CCL24: variants seen among roughly 807,000 people sequenced by gnomAD.
CCL24 encodes the protein C-C motif chemokine ligand 24, also known as C-C motif chemokine 24.
In CCL24, 6 loss-of-function variants were observed where a neutral mutation model predicts 8.6. The observed-to-expected ratio is 0.70, with a 90% CI of 0.38 to 1.38. The LOEUF (loss-of-function observed/expected upper bound fraction) is 1.38, where lower values mean the gene tolerates loss of function less well. Ranked by LOEUF, CCL24 falls within the 40% of genes most tolerant of loss-of-function variation. The pLI, the probability that CCL24 is intolerant of heterozygous loss-of-function variation, is 0.02. For missense variants in CCL24, 126 were observed against 147.1 expected, an observed-to-expected ratio of 0.86 and a Z score of 0.74; for synonymous variants, 59 against 52.7, an observed-to-expected ratio of 1.12 and a Z score of -0.52.
chr7:75,820,100 CTT>C (rs1804006652), intron 1 of CCL24, among the ~76,000 whole-genome samples: 2 of 125,450 alleles, frequency 1.6e-5, no homozygotes, highest in African/African-American at 5.4e-5. Flanking sequence ...TCTTCTTCTT[CTT>C]CTTCCTTCTT....
chr7:75,818,939 TTA>T (rs1217156382), intron 1 of CCL24, among the ~76,000 whole-genome samples: 6 of 149,946 alleles, frequency 4.0e-5, no homozygotes, highest in African/African-American at 7.3e-5. Context: ...TTAAGGAACT[TTA>T]TATATATATA....
At chr7:75,820,018 ACTTCTTCTTCTT>A (rs1204717433) in intron 1 of CCL24, among the ~76,000 whole-genome samples, 1,623 of 104,710 alleles carry the variant, frequency 0.015, 38 homozygotes, top group Non-Finnish European at 0.02. Flanking sequence ...TTAGTAAACT[ACTTCTTCTTCTT>A]CTTCTTCTTC....
chr7:75,813,525 A>G lies in CCL24; in HGVS notation c.74-102T>C, dbSNP rs1803821216. The G allele has an allele frequency of 3.2e-6, 4 of 1,255,528 alleles. No homozygotes were observed. The South Asian group carries it at 4.8e-5, about 15-fold the overall frequency. The allele number at this position is 1,255,528 out of a possible 1,614,324, so 77.8% of individuals were successfully genotyped here. A position where few individuals can be genotyped will look rare whatever the true frequency, so the allele number is the denominator to read the frequency against. ...ACCCTGCACCAAACACCGCCAGTCC[A>G]TTCACTGGGCCACCCTTTCCCCAGC... is the stretch of plus-strand genomic sequence containing the variant. On this transcript the variant is annotated intron_variant, in intron 1 of 2. Transcript: ENST00000222902.
At chr7:75,818,609 C>A (rs1554534498), upstream of CCL24, among the ~76,000 whole-genome samples, 1 of 136,670 alleles carries the variant, frequency 7.3e-6, no homozygotes, top group East Asian at 2.1e-4. Flanking sequence ...GACCCGGACT[C>A]TTTAAAAAAA....
chr7:75,817,791 C>G (rs1554534358), upstream of CCL24, among the ~76,000 whole-genome samples: 1 of 151,650 alleles, frequency 6.6e-6, no homozygotes, highest in Non-Finnish European at 1.5e-5. Context: ...GCATGAGCCA[C>G]CGCACTGGGC....
chr7:75,821,995 C>A (rs960002293), intron 1 of CCL24, among the ~76,000 whole-genome samples: 1 of 146,666 alleles, frequency 6.8e-6, no homozygotes, highest in Non-Finnish European at 1.5e-5. Context: ...CCAGCTACTC[C>A]GGAGGCTGAG....
chr7:75,820,396 G>C (rs1804021323), intron 1 of CCL24, among the ~76,000 whole-genome samples: 1 of 152,004 alleles, frequency 6.6e-6, no homozygotes, highest in South Asian at 2.1e-4. Flanking sequence ...GGCCAGACTG[G>C]TCTCGAACTC....
Position 75,821,784 on chromosome 7 carries a change from C to T in CCL24, c.-60+1538G>A, listed in dbSNP as rs993007936. On this transcript the variant is annotated intron_variant, in intron 1 of 3. Coordinates refer to the CCL24 transcript ENST00000416943. The stretch of plus-strand genomic sequence containing the variant: ...TCTACTAAAAATACAAAAAATTAGC[C>T]GGGCGTAGTGGCGGGCGCCTGTAGT... Among the ~76,000 whole-genome samples, 5 of 151,994 alleles carry T rather than the reference C, an allele frequency of 3.3e-5. No homozygotes were observed. In the East Asian group the frequency reaches 9.6e-4, roughly 29 times the overall value.
In CCL24 at chr7:75,819,151, C is replaced by T. The variant is rs573973953; in HGVS notation, c.-60+4171G>A. ...GGCGTGGTGGCACATGACTGTAATC[C>T]CAGCTGCTCGGGAGGCTGAGGCACA... On this transcript the variant is annotated intron_variant, in intron 1 of 3. Transcript: ENST00000416943. Among the ~76,000 whole-genome samples, 9 of 146,776 alleles carry T rather than the reference C, an allele frequency of 6.1e-5. No individual in the cohort carries two copies. In the South Asian group the frequency reaches 1.9e-3, roughly 32 times the overall value.
upstream of CCL24, among the ~76,000 whole-genome samples, chr7:75,816,823 A>G (rs570062554): frequency 5.6e-5 from 8 of 144,084 alleles, no homozygotes; most frequent in Non-Finnish European, 1.2e-4. Flanking sequence ...CGGCCCCCCA[A>G]CGTGCTGGGA....
intron 1 of CCL24, among the ~76,000 whole-genome samples, chr7:75,821,116 C>T (rs1482201165): frequency 1.3e-5 from 2 of 152,138 alleles, no homozygotes; most frequent in Non-Finnish European, 2.9e-5. Flanking sequence ...AGGAGGTCTA[C>T]CGAGGCCACA....
upstream of CCL24, among the ~76,000 whole-genome samples, chr7:75,818,308 G>A (rs952649819): frequency 2.2e-4 from 33 of 151,960 alleles, no homozygotes; most frequent in Middle Eastern, 3.2e-3. Flanking sequence ...TTAGCTGGGC[G>A]TGGTGGCACG....
In CCL24 at chr7:75,813,378, T is replaced by C. The variant is rs1554533704; in HGVS notation, c.119A>G (p.Lys40Arg). Reference protein sequence around the residue: ...PSPCCMFFVSKRIPENRVVSY... With the variant: ...PSPCCMFFVSRRIPENRVVSY... ...GACCACTCGGTTCTCAGGAATTCTC[T>C]TGGAAACAAAGAACATGCAGCAGGG... Residue 40 changes from lysine (K) to arginine (R), a missense_variant, in exon 2 of 3, where the codon AAG (lysine) becomes AGG (arginine). By Grantham distance (26) the Lys-to-Arg change is conservative. Coordinates refer to ENST00000222902, the MANE Select transcript of CCL24 (RefSeq NM_002991.3). The C allele has an allele frequency of 6.2e-7, 1 of 1,613,692 alleles. No homozygotes were observed. The highest frequency in any genetic ancestry group is 1.7e-5 in the Admixed American group (1 of 60,010).
chr7:75,816,861 CAAAAA>C (rs57957590), upstream of CCL24, among the ~76,000 whole-genome samples: 2 of 98,344 alleles, frequency 2.0e-5, no homozygotes, highest in African/African-American at 4.0e-5. Flanking sequence ...TGCACCTGGC[CAAAAA>C]AAAAAAAAAA....
upstream of CCL24, among the ~76,000 whole-genome samples, chr7:75,818,612 T>TAA (rs547441183): frequency 0.019 from 2,346 of 121,748 alleles, 27 homozygotes; most frequent in African/African-American, 0.04. Context: ...CCGGACTCTT[T>TAA]AAAAAAAAAA....
chr7:75,816,542 T>G (rs1296635681), upstream of CCL24, among the ~76,000 whole-genome samples: 2 of 151,536 alleles, frequency 1.3e-5, no homozygotes, highest in Admixed American at 1.3e-4. Flanking sequence ...GAGGTTTTTT[T>G]CTTTAAAATT....
chr7:75,811,997 G>A lies in CCL24; in HGVS notation c.192-33C>T. ...AGAAAGGGACAGGGGATCAGCTGAGGTCGACAGGGACCTTGGGCCACTCCA... is the reference window on the plus strand; with the variant it reads ...AGAAAGGGACAGGGGATCAGCTGAGATCGACAGGGACCTTGGGCCACTCCA... On this transcript the variant is annotated intron_variant, in intron 2 of 2. Transcript: ENST00000222902. 1.9e-6 allele frequency: 3 copies of A among 1,598,374 alleles called. No homozygotes were observed. In the South Asian group the frequency reaches 3.3e-5, roughly 18 times the overall value.
In CCL24 at chr7:75,811,568, C is replaced by A; in HGVS notation, c.*228G>T. Reference sequence around the variant, plus strand: ...TGCTCTCCTTCTGGGATCTTCTCACCCAGCTCCAGAAAGGCAAGGGGCCTT... The same window carrying A: ...TGCTCTCCTTCTGGGATCTTCTCACACAGCTCCAGAAAGGCAAGGGGCCTT... On this transcript the variant is annotated 3_prime_UTR_variant, in exon 3 of 3. Transcript: ENST00000222902. 1 of 436,728 alleles carries A rather than the reference C, an allele frequency of 2.3e-6. No homozygotes were observed. 27.1% of individuals were successfully genotyped at this position (436,728 alleles called of 1,614,324 possible).
upstream of CCL24, among the ~76,000 whole-genome samples, chr7:75,816,551 T>TTGTA: frequency 6.7e-6 from 1 of 148,264 alleles, no homozygotes; most frequent in Middle Eastern, 3.5e-3. Context: ...TTCTTTAAAA[T>TTGTA]TTTATTTATT....
Sources: allele counts gnomAD v4.1 joint callset (sites outside exome capture counted in the v4.1 genomes callset), GRCh38; gene constraint gnomAD v4.1.1; transcripts MANE v1.5; gene names NCBI Gene and HGNC (gene_info 2026-07-23, HGNC 2026-07-21).